The following LPIN1 variants were observed in gnomAD, a reference collection of about 807,000 sequenced individuals.
LPIN1 encodes lipin 1, also known as phosphatidate phosphatase LPIN1.
In LPIN1, 71 loss-of-function variants were observed where a neutral mutation model predicts 107.5. The ratio of observed to expected loss-of-function variants is 0.66; its 90% CI spans 0.55 to 0.80. The LOEUF is 0.80. Among genes scored for constraint, LPIN1 ranks in the 30% least tolerant of loss-of-function variants. LPIN1 has a pLI of 0.00. For synonymous variants in LPIN1, 445 were observed against 452.6 expected, an observed-to-expected ratio of 0.98 and a Z score of 0.21; for missense variants, 1,043 against 1,160.6, an observed-to-expected ratio of 0.90 and a Z score of 1.47.
intron 1 of LPIN1, among the ~76,000 whole-genome samples, chr2:11,686,705 G>A (rs7596194): frequency 0.43 from 65,920 of 151,906 alleles, 15,498 homozygotes; most frequent in African/African-American, 0.63. Flanking sequence ...GTTCCGAGGG[G>A]GTCTGACGCT....
At chr2:11,724,269 C>T (rs1021232601), upstream of LPIN1, 5 of 870,894 alleles carry the variant, frequency 5.7e-6, no homozygotes, top group South Asian at 1.0e-4. Context: ...ATGCTGATGT[C>T]ATAGTCCCCG....
chr2:11,814,644 A>T (rs563461367), intron 17 of LPIN1, among the ~76,000 whole-genome samples: 1 of 151,846 alleles, frequency 6.6e-6, no homozygotes, highest in East Asian at 1.9e-4. Context: ...GAGGAATTTG[A>T]TGGGGTGTGT....
At chr2:11,804,322 T>C in intron 15 of LPIN1, 101 bp from the exon 16 acceptor site, 1 of 1,355,896 alleles carries the variant, frequency 7.4e-7, no homozygotes, top group Non-Finnish European at 1.0e-6. Flanking sequence ...AGTCACTTGT[T>C]TTTAAAGCCG....
Position 11,794,631 on chromosome 2 carries a change from G to A in LPIN1, c.1807-777G>A, listed in dbSNP as rs188890083. Among the ~76,000 whole-genome samples the A allele has an allele frequency of 2.5e-4, 34 of 136,866 alleles. 1 individual carries two copies. The highest frequency in any genetic ancestry group is 2.2e-3 in the Admixed American group (31 of 14,268). 89.8% of individuals were successfully genotyped at this position (136,866 alleles called of 152,430 possible). A position where few individuals can be genotyped will look rare whatever the true frequency, so the allele number is the denominator to read the frequency against. ...AGGACCGTAGATTTCCTCTCCTGAC[G>A]AAACGAGCACAGAGAAAGAGATTTA... is the stretch of plus-strand genomic sequence containing the variant. On this transcript the variant is annotated intron_variant, in intron 13 of 20. Transcript: ENST00000674199.
At chr2:11,744,366 C>G (rs906364259), upstream of LPIN1, among the ~76,000 whole-genome samples, 1 of 152,214 alleles carries the variant, frequency 6.6e-6, no homozygotes, top group Non-Finnish European at 1.5e-5. Context: ...TTGGAAAGTC[C>G]GGTTTCGTTT....
upstream of LPIN1, chr2:11,745,815 G>A (rs62113306): frequency 0.57 from 86,842 of 152,462 alleles, 26,664 homozygotes; most frequent in African/African-American, 0.79. Flanking sequence ...CCACAGCACC[G>A]GCCCCAGGAC....
rs1308013527 is a variant in LPIN1, at chr2:11,802,935, G to A, written c.1915G>A (p.Glu639Lys). 6.2e-7 allele frequency: 1 copy of A among 1,613,464 alleles called. No homozygotes were observed. The highest frequency in any genetic ancestry group is 8.5e-7 in the Non-Finnish European group (1 of 1,180,028). The change falls in exon 15 of 21, where the codon GAG (glutamate) becomes AAG (lysine). Residue 639 changes from glutamate to lysine, a missense_variant. Transcript: ENST00000674199. ...AAAGCATGAATCATCCTCCAGTGAT[G>A]AGGAGCGCGCAGCTGCCAAGCCATC... ...RVKHESSSSD[E>K]ERAAAKPSNA...
intron 1 of LPIN1, among the ~76,000 whole-genome samples, chr2:11,692,299 G>T (rs1286395360): frequency 3.3e-5 from 4 of 120,876 alleles, no homozygotes; most frequent in African/African-American, 2.8e-4. Flanking sequence ...CACATACTTG[G>T]CACATACTTG....
intron 2 of LPIN1, among the ~76,000 whole-genome samples, chr2:11,718,222 G>A (rs1663881393): frequency 6.6e-6 from 1 of 152,006 alleles, no homozygotes; most frequent in South Asian, 2.1e-4. Context: ...CAGGAAAAGG[G>A]GGTCAGGATA....
At chr2:11,735,532 T>C (rs1010223213) in intron 1 of LPIN1, among the ~76,000 whole-genome samples, 1 of 152,214 alleles carries the variant, frequency 6.6e-6, no homozygotes, top group African/African-American at 2.4e-5. Flanking sequence ...TAGCTTAGCT[T>C]AGCCAATCAA....
chr2:11,686,024 AC>A (rs2095081422), intron 1 of LPIN1, among the ~76,000 whole-genome samples: 3 of 151,814 alleles, frequency 2.0e-5, no homozygotes, highest in South Asian at 4.2e-4. Flanking sequence ...CCGCCTGGAA[AC>A]CCCCCAGCTG....
At chr2:11,761,769 T>A (rs950507631) in intron 1 of LPIN1, among the ~76,000 whole-genome samples, 1 of 152,182 alleles carries the variant, frequency 6.6e-6, no homozygotes, top group South Asian at 2.1e-4. Context: ...ATTTTGTTTT[T>A]TTAACTTGAA....
At chr2:11,795,865 T>A (rs562677505) in intron 14 of LPIN1, among the ~76,000 whole-genome samples, 5 of 152,380 alleles carry the variant, frequency 3.3e-5, no homozygotes, top group African/African-American at 1.2e-4. Context: ...AAGTTTCACT[T>A]CTGAAGGAAC....
intron 12 of LPIN1, among the ~76,000 whole-genome samples, chr2:11,790,568 C>G (rs1310265667): frequency 6.6e-6 from 1 of 152,222 alleles, no homozygotes; most frequent in Non-Finnish European, 1.5e-5. Flanking sequence ...CAGCCTGATT[C>G]TTGAACAGAG....
intron 1 of LPIN1, among the ~76,000 whole-genome samples, chr2:11,725,924 C>T (rs1367041007): frequency 6.6e-6 from 1 of 152,180 alleles, no homozygotes; most frequent in African/African-American, 2.4e-5. Flanking sequence ...GCTACAAGGA[C>T]TCTCATCTCA....
intron 20 of LPIN1, among the ~76,000 whole-genome samples, chr2:11,823,488 A>G (rs566133022): frequency 3.9e-5 from 6 of 152,236 alleles, no homozygotes; most frequent in African/African-American, 1.2e-4. Context: ...ACTGTTTCTC[A>G]TAAGTCCTTT....
intron 1 of LPIN1, among the ~76,000 whole-genome samples, chr2:11,680,857 G>C (rs949807931): frequency 2.6e-5 from 4 of 152,206 alleles, no homozygotes; most frequent in Non-Finnish European, 4.4e-5. Flanking sequence ...CAGAGTGAAG[G>C]CCAAAGTTCG....
intron 1 of LPIN1, among the ~76,000 whole-genome samples, chr2:11,678,667 C>T (rs1661552721): frequency 6.6e-6 from 1 of 152,212 alleles, no homozygotes; most frequent in Non-Finnish European, 1.5e-5. Flanking sequence ...CAGGGCAGTG[C>T]CTTCCTTCAG....
Position 11,813,062 on chromosome 2 carries a change from G to A in LPIN1, c.2250-2026G>A, listed in dbSNP as rs535021718. On this transcript the variant is annotated intron_variant, in intron 17 of 20. Transcript: ENST00000674199. ...AGTGCCACTTGCAACAGGGGCCCCC[G>A]AGGAGTCTCGGGGTGAGTTGGGGAG... Among the ~76,000 whole-genome samples, 873 of 152,290 alleles carry A rather than the reference G, an allele frequency of 5.7e-3. 6 individuals carry two copies. The highest frequency in any genetic ancestry group is 8.5e-3 in the Non-Finnish European group (579 of 68,014).
Sources: gnomAD v4.1 joint callset for allele counts (sites outside exome capture counted in the v4.1 genomes callset) on GRCh38, gnomAD v4.1.1 for gene constraint, MANE v1.5 for transcripts, NCBI Gene and HGNC (gene_info 2026-07-23, HGNC 2026-07-21) for gene names.